Variants in NAV2 observed in about 807,000 individuals in gnomAD.
The protein encoded by NAV2 is helicase, APC down-regulated 1.
Under a neutral mutation model 223.2 loss-of-function variants are expected in NAV2, and 54 were observed. That is an observed-to-expected ratio of 0.24 (90% CI 0.19 to 0.30). The LOEUF (loss-of-function observed/expected upper bound fraction) is 0.30. Among genes scored for constraint, NAV2 ranks in the 10% least tolerant of loss-of-function variants. The pLI is 1.00. For synonymous variants in NAV2, 1,279 were observed against 1,239.3 expected (o/e 1.03, Z -0.67); for missense variants, 2,806 against 3,147.5 (o/e 0.89, Z 2.60).
intron 1 of NAV2, among the ~76,000 whole-genome samples, chr11:19,723,460 C>T (rs2050937860): frequency 6.6e-6 from 1 of 152,132 alleles, no homozygotes; most frequent in Non-Finnish European, 1.5e-5. Flanking sequence ...CCTTCTTTTG[C>T]CAGTAATTGA....
At chr11:19,748,649 A>G (rs1023872333) in intron 1 of NAV2, among the ~76,000 whole-genome samples, 3 of 152,240 alleles carry the variant, frequency 2.0e-5, no homozygotes, top group Admixed American at 1.3e-4. Context: ...AGACATTGTC[A>G]TGAGTATTAA....
At chr11:19,996,843 A>T (rs745467467) in intron 11 of NAV2, among the ~76,000 whole-genome samples, 13 of 152,186 alleles carry the variant, frequency 8.5e-5, no homozygotes, top group Admixed American at 3.9e-4. Flanking sequence ...CTGAAGAGAG[A>T]CCCTGACATT....
At chr11:19,350,850 A>G in exon 1 of NAV2, 1 of 1,141,028 alleles carries the variant, frequency 8.8e-7, no homozygotes, top group Non-Finnish European at 1.3e-6. Context: ...GCTGGCGGGA[A>G]CTCTGTCTGG....
chr11:19,962,801 T>C, intron 10 of NAV2, among the ~76,000 whole-genome samples: 1 of 152,222 alleles, frequency 6.6e-6, no homozygotes, highest in East Asian at 1.9e-4. Flanking sequence ...GCCCCAAGTT[T>C]GTCTCCAGAG....
intron 11 of NAV2, among the ~76,000 whole-genome samples, chr11:20,029,053 G>A (rs77765363): frequency 6.6e-6 from 1 of 152,326 alleles, no homozygotes; most frequent in East Asian, 1.9e-4. Context: ...AAAAAGCCCA[G>A]ACATTAGAAA....
intron 23 of NAV2, among the ~76,000 whole-genome samples, 157 bp downstream of exon 23, chr11:20,077,792 GA>G (rs2059855570): frequency 2.0e-5 from 3 of 152,186 alleles, no homozygotes; most frequent in Admixed American, 2.0e-4. Flanking sequence ...GTGAAAATAT[GA>G]CAGATTGATA....
intron 11 of NAV2, among the ~76,000 whole-genome samples, chr11:20,023,924 A>T (rs960989078): frequency 6.6e-6 from 1 of 152,158 alleles, no homozygotes; most frequent in Non-Finnish European, 1.5e-5. Context: ...ATTCAATTTC[A>T]TTGCAAAGCC....
At chr11:19,483,216 A>G (rs535883697) in intron 1 of NAV2, among the ~76,000 whole-genome samples, 32 of 152,366 alleles carry the variant, frequency 2.1e-4, no homozygotes, top group African/African-American at 6.3e-4. Context: ...GTCTGAAAAT[A>G]TTAAATGAAA....
chr11:19,554,454 C>T (rs1418490568), intron 1 of NAV2, among the ~76,000 whole-genome samples: 1 of 152,194 alleles, frequency 6.6e-6, no homozygotes, highest in Non-Finnish European at 1.5e-5. Flanking sequence ...CAGCTCCTCC[C>T]CACTCATGGG....
chr11:20,058,938 C>T (rs1376820664), intron 19 of NAV2, among the ~76,000 whole-genome samples: 1 of 152,150 alleles, frequency 6.6e-6, no homozygotes, highest in African/African-American at 2.4e-5. Context: ...GGGCCATTAT[C>T]ATCCTCATTT....
chr11:19,991,694 C>T (rs1425326064), intron 11 of NAV2, among the ~76,000 whole-genome samples: 6 of 151,972 alleles, frequency 3.9e-5, no homozygotes, highest in Non-Finnish European at 7.4e-5. Flanking sequence ...GAAACACAAC[C>T]CGTGTTTCAT....
chr11:19,915,449 G>T (rs958681785), intron 6 of NAV2, among the ~76,000 whole-genome samples: 1 of 151,798 alleles, frequency 6.6e-6, no homozygotes, highest in Non-Finnish European at 1.5e-5. Flanking sequence ...TCATTTTTTT[G>T]CTGTGCCCTC....
At chr11:19,800,695 G>GTGTGTGTA (rs1332106419) in intron 1 of NAV2, among the ~76,000 whole-genome samples, 1 of 151,866 alleles carries the variant, frequency 6.6e-6, no homozygotes, top group African/African-American at 2.4e-5. Flanking sequence ...GTGTGTGTGT[G>GTGTGTGTA]TGTGTGTGTG....
In NAV2 at chr11:19,716,362, A is replaced by C. The variant is rs191033908; in HGVS notation, c.267+2400A>C. Among the ~76,000 whole-genome samples the C allele has an allele frequency of 3.9e-5, 6 of 152,312 alleles. No individual in the cohort carries two copies. In the East Asian group the frequency reaches 1.2e-3, roughly 29 times the overall value. On this transcript the variant is annotated intron_variant, in intron 1 of 37. Coordinates refer to ENST00000349880, the MANE Select transcript of NAV2 (RefSeq NM_145117.5). The stretch of plus-strand genomic sequence containing the variant: ...AATTTCTTTGGGCTTTAGTGTTCTC[A>C]TCTATTAAAAAATGAGCATGAACAA...
At chr11:20,068,277 G>A in intron 21 of NAV2, 47 bp from the exon 22 acceptor site, 1 of 1,610,990 alleles carries the variant, frequency 6.2e-7, no homozygotes, top group Non-Finnish European at 8.5e-7. Flanking sequence ...TGCTCACCTT[G>A]GAAATGGACC....
chr11:20,105,659 G>A lies in NAV2; in HGVS notation c.6773G>A (p.Trp2258Ter). 6.2e-7 allele frequency: 1 copy of A among 1,613,934 alleles called. No homozygotes were observed. The highest frequency in any genetic ancestry group is 1.1e-5 in the South Asian group (1 of 91,062). The change falls in exon 35 of 38, where the codon TGG becomes TAG. Residue 2258 changes from tryptophan (W) to a stop codon, truncating the protein, a stop_gained. Transcript: ENST00000349880. LOFTEE classifies it high-confidence loss of function. Reference sequence around the variant, plus strand: ...ATGGAGCTGGTAAAAATCATTGACTGGATTCCCAAGGTCTGGCATCACCTC... The same window carrying A: ...ATGGAGCTGGTAAAAATCATTGACTAGATTCCCAAGGTCTGGCATCACCTC... ...RNMELVKIID[W>*]IPKVWHHLNR... is the part of the protein sequence containing the mutation.
At chr11:19,991,832 C>G (rs1159005776) in intron 11 of NAV2, among the ~76,000 whole-genome samples, 2 of 152,134 alleles carry the variant, frequency 1.3e-5, no homozygotes, top group Admixed American at 6.5e-5. Flanking sequence ...TTCATCTTTT[C>G]TTGCTAGGGT....
At chr11:19,650,189 G>T (rs933950637) in intron 1 of NAV2, among the ~76,000 whole-genome samples, 3 of 152,192 alleles carry the variant, frequency 2.0e-5, no homozygotes, top group African/African-American at 7.2e-5. Context: ...ATGAAGTTGG[G>T]CCGTAATCCA....
chr11:19,973,811 C>A (rs1407829123), intron 10 of NAV2, among the ~76,000 whole-genome samples: 2 of 152,220 alleles, frequency 1.3e-5, no homozygotes, highest in African/African-American at 4.8e-5. Context: ...TGATGCCACA[C>A]TGAGCTACCT....
Sources: allele counts gnomAD v4.1 joint callset (sites outside exome capture counted in the v4.1 genomes callset), GRCh38; gene constraint gnomAD v4.1.1; transcripts MANE v1.5; gene names NCBI Gene and HGNC (gene_info 2026-07-23, HGNC 2026-07-21).